SRBD1: variants seen among roughly 807,000 people sequenced by gnomAD.
The protein encoded by SRBD1 is S1 RNA binding domain 1.
In SRBD1, 88 loss-of-function variants were observed where a neutral mutation model predicts 115.3. The observed-to-expected ratio is 0.76, with a 90% CI of 0.64 to 0.91. The LOEUF (loss-of-function observed/expected upper bound fraction) is 0.91, where lower values mean the gene tolerates loss of function less well. SRBD1 is among the 40% of genes least tolerant of loss of function. The probability of loss-of-function intolerance (pLI) is 0.00; values close to 1 mark genes in which losing one functional copy is unlikely to be tolerated. For synonymous variants in SRBD1, 509 were observed against 407.7 expected (o/e 1.25, Z -2.99); for missense variants, 1,385 against 1,177.4 (o/e 1.18, Z -2.58).
intron 20 of SRBD1, among the ~76,000 whole-genome samples, chr2:45,391,087 T>TG (rs1666985332): frequency 6.6e-6 from 1 of 152,304 alleles, no homozygotes; most frequent in African/African-American, 2.4e-5. Context: ...TCTCTTTTCT[T>TG]GGGGAGGTCC....
chr2:45,453,303 GGAAA>G (rs1669053238), intron 16 of SRBD1, among the ~76,000 whole-genome samples: 2 of 150,002 alleles, frequency 1.3e-5, no homozygotes, highest in African/African-American at 4.9e-5. Context: ...AAAAGAAAAA[GGAAA>G]GAAAGACTCC....
intron 16 of SRBD1, among the ~76,000 whole-genome samples, chr2:45,443,226 G>C (rs556723787): frequency 1.2e-4 from 18 of 152,224 alleles, no homozygotes; most frequent in Non-Finnish European, 1.2e-4. Context: ...AGTATATCAA[G>C]AGGGAGATGA....
intron 16 of SRBD1, among the ~76,000 whole-genome samples, chr2:45,473,303 ATCATT>A (rs1346616433): frequency 6.6e-6 from 1 of 152,148 alleles, no homozygotes; most frequent in Admixed American, 6.5e-5. Flanking sequence ...AATACTTTTT[ATCATT>A]TCTTTTTCTT....
intron 16 of SRBD1, among the ~76,000 whole-genome samples, chr2:45,435,413 T>G (rs1668463343): frequency 6.6e-6 from 1 of 152,002 alleles, no homozygotes; most frequent in Non-Finnish European, 1.5e-5. Context: ...TTGGGATTCC[T>G]GAAGGTTTTA....
In SRBD1 at chr2:45,509,469, G is replaced by T. The variant is rs561149328; in HGVS notation, c.1875-21138C>A. ...AAATTAGCCGGGCGCGGTGGTGGGCGCCTGCAGTCCCAGCTACACGGGAGG... is the reference window on the plus strand; with the variant it reads ...AAATTAGCCGGGCGCGGTGGTGGGCTCCTGCAGTCCCAGCTACACGGGAGG... On this transcript the variant is annotated intron_variant, in intron 14 of 20. Coordinates refer to ENST00000263736, the MANE Select transcript of SRBD1 (RefSeq NM_018079.5). 5.3e-4 allele frequency among the ~76,000 whole-genome samples: 81 copies of T among 152,060 alleles called. 3 individuals carry two copies. The South Asian group carries it at 0.017, about 32-fold the overall frequency.
At chr2:45,411,446 G>A (rs984238444) in intron 19 of SRBD1, among the ~76,000 whole-genome samples, 2 of 152,094 alleles carry the variant, frequency 1.3e-5, no homozygotes, top group African/African-American at 2.4e-5. Flanking sequence ...CTCTAAATAC[G>A]ATGCTGAAAG....
intron 2 of SRBD1, among the ~76,000 whole-genome samples, chr2:45,604,059 C>T (rs1321591619): frequency 6.6e-6 from 1 of 152,112 alleles, no homozygotes; most frequent in African/African-American, 2.4e-5. Context: ...GTCCACTCTA[C>T]CTTCAAAATA....
intron 19 of SRBD1, among the ~76,000 whole-genome samples, chr2:45,395,640 T>C (rs1478949466): frequency 6.6e-6 from 1 of 152,194 alleles, no homozygotes; most frequent in Admixed American, 6.5e-5. Flanking sequence ...AAGTGCTTTT[T>C]TATTTTGAAA....
intron 10 of SRBD1, among the ~76,000 whole-genome samples, chr2:45,562,051 GA>G (rs1672679953): frequency 6.6e-6 from 1 of 152,116 alleles, no homozygotes; most frequent in Admixed American, 6.5e-5. Flanking sequence ...AAATAGTACA[GA>G]AAAGTAATGA....
chr2:45,486,658 C>G (rs144891743), intron 15 of SRBD1, among the ~76,000 whole-genome samples: 1 of 151,650 alleles, frequency 6.6e-6, no homozygotes, highest in African/African-American at 2.4e-5. Context: ...GCATGAACCC[C>G]GGAGGGAGAG....
rs111377832 is a variant in SRBD1, at chr2:45,496,828, C to T, written c.1875-8497G>A. Among the ~76,000 whole-genome samples the T allele has an allele frequency of 9.1e-3, 1,379 of 152,292 alleles. 26 individuals carry two copies. The highest frequency in any genetic ancestry group is 0.029 in the African/African-American group (1,223 of 41,552). ...CAAACTTCATCTAACATACTCACCACCCAGTAGCCTCCAGTTTGGATCTTG... is the reference window on the plus strand; with the variant it reads ...CAAACTTCATCTAACATACTCACCATCCAGTAGCCTCCAGTTTGGATCTTG... On this transcript the variant is annotated intron_variant, in intron 14 of 20. Transcript: ENST00000263736.
chr2:45,419,964 T>A, intron 16 of SRBD1, 70 bp from the exon 17 acceptor site: 1 of 1,351,980 alleles, frequency 7.4e-7, no homozygotes, highest in Non-Finnish European at 1.0e-6. Flanking sequence ...TTACTCTGCC[T>A]ATATTACTGG....
chr2:45,595,862 G>A (rs1324688156), intron 4 of SRBD1, among the ~76,000 whole-genome samples: 1 of 152,192 alleles, frequency 6.6e-6, no homozygotes, highest in Non-Finnish European at 1.5e-5. Context: ...CCAGGAAAAT[G>A]CTGAGCTTAA....
chr2:45,547,131 G>C (rs144927787), intron 13 of SRBD1, among the ~76,000 whole-genome samples: 120 of 152,166 alleles, frequency 7.9e-4, no homozygotes, highest in African/African-American at 2.8e-3. Context: ...GTCAACTCTG[G>C]AGCATTCTAA....
At chr2:45,429,890 C>T (rs1239817294) in intron 16 of SRBD1, among the ~76,000 whole-genome samples, 1 of 152,176 alleles carries the variant, frequency 6.6e-6, no homozygotes, top group Non-Finnish European at 1.5e-5. Flanking sequence ...ATTTAGAACA[C>T]CCCATCGTCT....
chr2:45,422,291 C>A (rs1668029403), intron 16 of SRBD1, among the ~76,000 whole-genome samples: 1 of 152,142 alleles, frequency 6.6e-6, no homozygotes, highest in South Asian at 2.1e-4. Flanking sequence ...TTGTCAACCC[C>A]TTCTCCTCCT....
chr2:45,542,073 G>A (rs1045443491), intron 14 of SRBD1, among the ~76,000 whole-genome samples: 1 of 152,228 alleles, frequency 6.6e-6, no homozygotes, highest in Non-Finnish European at 1.5e-5. Flanking sequence ...CATCCATGGT[G>A]CATGGGCTGT....
chr2:45,513,757 T>G (rs1671040471), intron 14 of SRBD1, among the ~76,000 whole-genome samples: 1 of 150,984 alleles, frequency 6.6e-6, no homozygotes, highest in Admixed American at 6.6e-5. Context: ...TTCATTAATC[T>G]GAATGTAAAT....
intron 19 of SRBD1, among the ~76,000 whole-genome samples, chr2:45,397,797 A>G (rs1410941421): frequency 6.6e-6 from 1 of 152,116 alleles, no homozygotes; most frequent in African/African-American, 2.4e-5. Context: ...TGAGGTCTCA[A>G]TATGTTGCCC....
Sources: allele counts gnomAD v4.1 joint callset (sites outside exome capture counted in the v4.1 genomes callset), GRCh38; gene constraint gnomAD v4.1.1; transcripts MANE v1.5; gene names NCBI Gene and HGNC (gene_info 2026-07-23, HGNC 2026-07-21).